The following TBC1D32 variants were observed in gnomAD, a reference collection of about 807,000 sequenced individuals.
TBC1D32 encodes protein broad-minded.
In TBC1D32, 151 loss-of-function variants were observed where a neutral mutation model predicts 170.3. The ratio of observed to expected loss-of-function variants is 0.89; its 90% CI spans 0.78 to 1.01. The LOEUF (loss-of-function observed/expected upper bound fraction) is 1.01. Ranked by LOEUF, TBC1D32 falls within the 50% of genes least tolerant of loss-of-function variation. The probability of loss-of-function intolerance (pLI) is 0.00; values close to 1 mark genes in which losing one functional copy is unlikely to be tolerated. For synonymous variants in TBC1D32, 498 were observed against 488.0 expected (o/e 1.02, Z -0.27); for missense variants, 1,464 against 1,457.1 (o/e 1.00, Z -0.08).
At position 121,328,251 on chromosome 6, in the gene TBC1D32, C is replaced by CTAA. The variant is rs576995490; in HGVS notation, c.155+6022_155+6024dup. ...TATTCACTATTCATTTTAAATTTTT[C>CTAA]TAACTGGTTTTTCTAGTTTTTTATT... On this transcript the variant is annotated intron_variant, in intron 1 of 31. Coordinates refer to ENST00000398212, the MANE Select transcript of TBC1D32 (RefSeq NM_152730.6). 2.3e-3 allele frequency among the ~76,000 whole-genome samples: 347 copies of CTAA among 151,830 alleles called. 1 individual carries two copies. The highest frequency in any genetic ancestry group is 8.1e-3 in the African/African-American group (335 of 41,468).
rs1018871472 is a variant in TBC1D32 at position 121,268,005 on chromosome 6, G to A, written c.1733+11116C>T. ...TACCCAGGCAAACAGCGTCTGGAGT[G>A]GACCTCCAGCAAACTCCAACAGACC... On this transcript the variant is annotated intron_variant, in intron 15 of 31. Coordinates refer to ENST00000398212, the MANE Select transcript of TBC1D32 (RefSeq NM_152730.6). Among the ~76,000 whole-genome samples, 4 of 152,264 alleles carry A rather than the reference G, an allele frequency of 2.6e-5. No homozygotes were observed. The South Asian group carries it at 8.3e-4, about 32-fold the overall frequency.
At chr6:121,265,212 A>G (rs1435638570) in intron 15 of TBC1D32, among the ~76,000 whole-genome samples, 1 of 152,216 alleles carries the variant, frequency 6.6e-6, no homozygotes, top group African/African-American at 2.4e-5. Context: ...CAACTTTAGC[A>G]AAGTCCCAGT....
chr6:121,280,757 C>T (rs899007704), intron 14 of TBC1D32, among the ~76,000 whole-genome samples: 2 of 151,730 alleles, frequency 1.3e-5, no homozygotes, highest in African/African-American at 4.8e-5. Context: ...TTGGCATTTG[C>T]CAAGTTAACC....
chr6:121,208,729 G>GGAAAAA (rs1412318299), intron 21 of TBC1D32, among the ~76,000 whole-genome samples: 1 of 86,918 alleles, frequency 1.2e-5, no homozygotes, highest in Admixed American at 1.4e-4. Context: ...GAAACACCTG[G>GGAAAAA]AAAAAAAAAA....
intron 31 of TBC1D32, among the ~76,000 whole-genome samples, chr6:121,090,587 T>A (rs1776704748): frequency 1.3e-5 from 2 of 152,160 alleles, no homozygotes; most frequent in African/African-American, 4.8e-5. Flanking sequence ...ATTTTTACAA[T>A]ATTTCTTTTT....
Position 121,317,692 on chromosome 6 carries a change from T to A in TBC1D32, c.318-20A>T. 6.6e-7 allele frequency: 1 copy of A among 1,515,246 alleles called. No individual in the cohort carries two copies. The highest frequency in any genetic ancestry group is 1.3e-5 in the South Asian group (1 of 77,234). The allele number at this position is 1,515,246 out of a possible 1,614,324, so 93.9% of individuals were successfully genotyped here. A position where few individuals can be genotyped will look rare whatever the true frequency, so the allele number is the denominator to read the frequency against. Reference sequence around the variant, plus strand: ...TTGTACCTTTAAATTCAAGGTAGTCTTAATAAGAGAAAGACGATCAGAAAT... The same window carrying A: ...TTGTACCTTTAAATTCAAGGTAGTCATAATAAGAGAAAGACGATCAGAAAT... On this transcript the variant is annotated intron_variant, in intron 2 of 31. Transcript: ENST00000398212.
At chr6:121,126,764 C>A (rs1446456899) in intron 25 of TBC1D32, among the ~76,000 whole-genome samples, 1 of 151,568 alleles carries the variant, frequency 6.6e-6, no homozygotes, top group East Asian at 1.9e-4. Context: ...AAAAAAAAAT[C>A]ACTAATTATG....
At chr6:121,135,211 T>A (rs186600873) in intron 24 of TBC1D32, among the ~76,000 whole-genome samples, 1 of 152,278 alleles carries the variant, frequency 6.6e-6, no homozygotes, top group Admixed American at 6.5e-5. Flanking sequence ...CCATAATAGA[T>A]ATTTTATATG....
chr6:121,107,771 A>G (rs1778832626), intron 29 of TBC1D32, among the ~76,000 whole-genome samples: 1 of 152,042 alleles, frequency 6.6e-6, no homozygotes, highest in African/African-American at 2.4e-5. Context: ...TAATAGTAGC[A>G]TAAGAGTTCT....
At chr6:121,108,390 A>C (rs1582806487) in intron 29 of TBC1D32, among the ~76,000 whole-genome samples, 1 of 152,192 alleles carries the variant, frequency 6.6e-6, no homozygotes, top group South Asian at 2.1e-4. Context: ...CTCTCTGAAA[A>C]GACAGTCACC....
intron 31 of TBC1D32, among the ~76,000 whole-genome samples, chr6:121,083,220 A>C (rs1385010623): frequency 6.7e-6 from 1 of 149,710 alleles, no homozygotes; most frequent in East Asian, 1.9e-4. Flanking sequence ...TGATTATTTA[A>C]GTAGCAGATG....
chr6:121,124,535 A>T (rs1285726911), intron 26 of TBC1D32, among the ~76,000 whole-genome samples: 2 of 151,904 alleles, frequency 1.3e-5, no homozygotes, highest in Non-Finnish European at 2.9e-5. Context: ...CTAATTGTTG[A>T]CCTTTGACCT....
In TBC1D32 at chr6:121,271,303, G is replaced by C. The variant is rs141889037; in HGVS notation, c.1733+7818C>G. Among the ~76,000 whole-genome samples the C allele has an allele frequency of 8.0e-3, 1,217 of 152,254 alleles. 10 individuals are homozygous for C. Among genetic ancestry groups the C allele is most frequent in the South Asian group, 0.038 (183 of 4,826 alleles). Reference sequence around the variant, plus strand: ...GAAAGAAATAAAGGGTATTCAATTAGGAAAAGAGGAAGTCAAATTGTCCCT... The same window carrying C: ...GAAAGAAATAAAGGGTATTCAATTACGAAAAGAGGAAGTCAAATTGTCCCT... On this transcript the variant is annotated intron_variant, in intron 15 of 31. Transcript: ENST00000398212.
In TBC1D32 at chr6:121,099,597, G is replaced by C. The variant is rs187288052; in HGVS notation, c.3465+6426C>G. Among the ~76,000 whole-genome samples the C allele has an allele frequency of 6.6e-5, 10 of 151,964 alleles. No individual in the cohort carries two copies. The East Asian group carries it at 1.9e-3, about 29-fold the overall frequency. On this transcript the variant is annotated intron_variant, in intron 30 of 31. Transcript: ENST00000398212. ...GCACTGCTTCTAATTAGATCAAAAT[G>C]AATAAGGTATGAAATTTGTATCCAA...
intron 3 of TBC1D32, among the ~76,000 whole-genome samples, chr6:121,312,810 T>C (rs1200082501): frequency 6.6e-6 from 1 of 152,224 alleles, no homozygotes; most frequent in African/African-American, 2.4e-5. Context: ...CACTTGCATG[T>C]AGACACAGCT....
At chr6:121,151,024 G>C (rs1784146896) in intron 24 of TBC1D32, among the ~76,000 whole-genome samples, 1 of 152,080 alleles carries the variant, frequency 6.6e-6, no homozygotes, top group African/African-American at 2.4e-5. Context: ...TCTGATCTTA[G>C]TTGTTTCTTG....
chr6:121,219,415 G>A (rs146404632), intron 21 of TBC1D32, among the ~76,000 whole-genome samples: 17 of 152,116 alleles, frequency 1.1e-4, no homozygotes, highest in Non-Finnish European at 1.8e-4. Flanking sequence ...AAATTTTTCC[G>A]TAAGTGGAAA....
intron 30 of TBC1D32, among the ~76,000 whole-genome samples, chr6:121,096,735 C>T (rs1777462250): frequency 6.6e-6 from 1 of 152,080 alleles, no homozygotes; most frequent in Non-Finnish European, 1.5e-5. Flanking sequence ...TCCCACATTG[C>T]CAAGACAATC....
intron 31 of TBC1D32, among the ~76,000 whole-genome samples, chr6:121,090,134 G>A (rs974530485): frequency 2.2e-4 from 33 of 151,964 alleles, no homozygotes; most frequent in African/African-American, 8.0e-4. Context: ...GGGTTTCACC[G>A]TGTTAGCCAG....
Sources: allele counts gnomAD v4.1 joint callset (sites outside exome capture counted in the v4.1 genomes callset), GRCh38; gene constraint gnomAD v4.1.1; transcripts MANE v1.5; gene names NCBI Gene and HGNC (gene_info 2026-07-23, HGNC 2026-07-21).